Variants in RNF220 observed in about 807,000 individuals in gnomAD.
RNF220 encodes E3 ubiquitin-protein ligase RNF220.
Under a neutral mutation model 67.1 loss-of-function variants are expected in RNF220, and 7 were observed. The observed-to-expected ratio is 0.10, with a 90% CI of 0.06 to 0.20. The LOEUF is 0.20. RNF220 is among the 10% of genes least tolerant of loss of function. The pLI is 1.00. For synonymous variants in RNF220, 270 were observed against 283.2 expected (o/e 0.95, Z 0.47); for missense variants, 565 against 740.3 (o/e 0.76, Z 2.75).
intron 2 of RNF220, among the ~76,000 whole-genome samples, chr1:44,578,893 C>T (rs1027344870): frequency 1.3e-5 from 2 of 152,106 alleles, no homozygotes; most frequent in Admixed American, 6.5e-5. Context: ...AGGCCGGGTG[C>T]GGTGGCTCAC....
chr1:44,409,453 C>T (rs1275662635), intron 1 of RNF220, among the ~76,000 whole-genome samples: 3 of 152,198 alleles, frequency 2.0e-5, no homozygotes, highest in Admixed American at 1.3e-4. Context: ...TGTCTTCAGC[C>T]CTTCTTTCTC....
At chr1:44,623,532 T>C (rs1410371020) in intron 4 of RNF220, among the ~76,000 whole-genome samples, 2 of 152,224 alleles carry the variant, frequency 1.3e-5, no homozygotes, top group Non-Finnish European at 2.9e-5. Flanking sequence ...ACTCACTGAG[T>C]ATCCCCTTCC....
chr1:44,462,315 A>T (rs12058675), intron 2 of RNF220, among the ~76,000 whole-genome samples: 47,527 of 152,018 alleles, frequency 0.31, 7,599 homozygotes, highest in Middle Eastern at 0.4. Context: ...CTGTAGCAAT[A>T]CTACTAACAA....
chr1:44,526,294 G>T (rs1660369966), intron 2 of RNF220, among the ~76,000 whole-genome samples: 1 of 152,170 alleles, frequency 6.6e-6, no homozygotes, highest in Admixed American at 6.5e-5. Flanking sequence ...CACAGCAGTT[G>T]TTGTAAACCC....
At chr1:44,470,203 A>G (rs1654679764) in intron 2 of RNF220, among the ~76,000 whole-genome samples, 1 of 152,248 alleles carries the variant, frequency 6.6e-6, no homozygotes, top group African/African-American at 2.4e-5. Flanking sequence ...TTAAGACTTG[A>G]TGATGGATTC....
chr1:44,649,820 TG>T lies in RNF220; in HGVS notation c.1554+56del, dbSNP rs748359611. On this transcript the variant is annotated intron_variant, in intron 13 of 14. Transcript: ENST00000361799. The surrounding 1 kb of genome is among the most constrained non-coding windows in gnomAD (Gnocchi z 5.9). ...CCCTTGGTCAGGCTTCCACGCCCTC[TG>T]GGGGAGTTGGAGAGGGTGGGCCTAC... The T allele has an allele frequency of 2.5e-6, 4 of 1,613,520 alleles. No homozygotes were observed. Among genetic ancestry groups the T allele is most frequent in the Non-Finnish European group, 2.5e-6 (3 of 1,179,516 alleles).
At chr1:44,646,548 T>A (rs1245949786) in intron 12 of RNF220, among the ~76,000 whole-genome samples, 1 of 152,190 alleles carries the variant, frequency 6.6e-6, no homozygotes, top group East Asian at 1.9e-4. Context: ...TCTCTCCTAC[T>A]CCAGCTGAGC....
At chr1:44,563,508 G>A (rs189186113) in intron 2 of RNF220, among the ~76,000 whole-genome samples, 3 of 152,298 alleles carry the variant, frequency 2.0e-5, no homozygotes, top group East Asian at 3.9e-4. Context: ...ATTTGCCGCC[G>A]TGGACTCCTC....
rs544305306 is a variant in RNF220, at chr1:44,428,676, G to A, written c.625+15954G>A. Among the ~76,000 whole-genome samples, 5 of 152,060 alleles carry A rather than the reference G, an allele frequency of 3.3e-5. No individual in the cohort carries two copies. In the East Asian group the frequency reaches 9.7e-4, roughly 29 times the overall value. On this transcript the variant is annotated intron_variant, in intron 2 of 14. Coordinates refer to ENST00000361799, the MANE Select transcript of RNF220 (RefSeq NM_018150.4). ...AACTGGCCTCCCTCTTTCCGACTTC[G>A]CATCCTTGTGTTCTTTCTAAGTAGC... is the stretch of plus-strand genomic sequence containing the variant.
chr1:44,469,774 G>A (rs1195492598), intron 2 of RNF220, among the ~76,000 whole-genome samples: 3 of 152,196 alleles, frequency 2.0e-5, no homozygotes, highest in African/African-American at 4.8e-5. Context: ...ATGAATAGGC[G>A]TTTAGGCAAC....
At chr1:44,577,128 C>T (rs533710735) in intron 2 of RNF220, among the ~76,000 whole-genome samples, 6 of 152,328 alleles carry the variant, frequency 3.9e-5, no homozygotes, top group African/African-American at 1.4e-4. Flanking sequence ...CACTCTGGCT[C>T]TCATAGGAAA....
intron 2 of RNF220, 118 bp from the exon 3 acceptor site, chr1:44,614,047 C>T (rs970499599): frequency 7.1e-7 from 1 of 1,406,472 alleles, no homozygotes; most frequent in African/African-American, 1.4e-5. Flanking sequence ...CAGGCCCCTC[C>T]TCTAGGCCAA....
At chr1:44,444,021 G>A (rs556169037) in intron 2 of RNF220, among the ~76,000 whole-genome samples, 2 of 152,316 alleles carry the variant, frequency 1.3e-5, no homozygotes, top group East Asian at 3.9e-4. Context: ...AACCCGGGAG[G>A]TGGAGGTTGC....
At chr1:44,474,696 G>A (rs935848751) in intron 2 of RNF220, among the ~76,000 whole-genome samples, 3 of 151,650 alleles carry the variant, frequency 2.0e-5, no homozygotes, top group Non-Finnish European at 4.4e-5. Context: ...GTGACAAGGC[G>A]AGACCCTGTC....
intron 2 of RNF220, among the ~76,000 whole-genome samples, chr1:44,522,655 G>T (rs952630252): frequency 2.6e-5 from 4 of 151,990 alleles, no homozygotes; most frequent in African/African-American, 7.3e-5. Context: ...ATCCCTCCTG[G>T]GGGGGCGGGG....
intron 3 of RNF220, among the ~76,000 whole-genome samples, chr1:44,618,347 C>G (rs527669016): frequency 3.3e-5 from 5 of 152,244 alleles, no homozygotes; most frequent in African/African-American, 9.6e-5. Flanking sequence ...CTGAAAGAAG[C>G]CTTGTCCCAT....
intron 2 of RNF220, among the ~76,000 whole-genome samples, chr1:44,453,258 G>C (rs1652864155): frequency 6.6e-6 from 1 of 152,012 alleles, no homozygotes; most frequent in African/African-American, 2.4e-5. Context: ...AAATAGTGAT[G>C]GTTTTATGTA....
intron 2 of RNF220, among the ~76,000 whole-genome samples, chr1:44,500,217 GC>G (rs1657713511): frequency 1.3e-5 from 2 of 152,320 alleles, no homozygotes; most frequent in African/African-American, 4.8e-5. Context: ...TGCCCTCTGG[GC>G]TCACAGGCTA....
intron 2 of RNF220, among the ~76,000 whole-genome samples, chr1:44,449,886 G>A (rs902562238): frequency 2.6e-5 from 4 of 152,110 alleles, no homozygotes; most frequent in African/African-American, 9.7e-5. Context: ...GATGATCCAC[G>A]TAACGGAGAT....
Sources: gnomAD v4.1 joint callset for allele counts (sites outside exome capture counted in the v4.1 genomes callset) on GRCh38, gnomAD v4.1.1 for gene constraint, Gnocchi (gnomAD v3.1) non-coding constraint, MANE v1.5 for transcripts, NCBI Gene and HGNC (gene_info 2026-07-23, HGNC 2026-07-21) for gene names.